The following CTH variants were observed in gnomAD, a reference collection of about 807,000 sequenced individuals.
CTH encodes the protein cystathionine gamma-lyase, also known as cystathionase (cystathionine gamma-lyase).
CTH carries 41 observed loss-of-function variants against 50.6 expected under a neutral mutation model. That is an observed-to-expected ratio of 0.81 (90% CI 0.63 to 1.05). The LOEUF is 1.05. CTH is among the 50% of genes least tolerant of loss of function. The pLI, the probability that CTH is intolerant of heterozygous loss-of-function variation, is 0.00. For missense variants in CTH, 470 were observed against 492.6 expected (o/e 0.95, Z 0.43); for synonymous variants, 156 against 168.9 (o/e 0.92, Z 0.59).
In CTH at chr1:70,439,421, C is replaced by T; in HGVS notation, c.*294C>T. 2.6e-6 allele frequency: 1 copy of T among 379,418 alleles called. No homozygotes were observed. Among genetic ancestry groups the T allele is most frequent in the Non-Finnish European group, 4.8e-6 (1 of 209,370 alleles). 23.5% of individuals were successfully genotyped at this position (379,418 alleles called of 1,614,324 possible). A position where few individuals can be genotyped will look rare whatever the true frequency, so the allele number is the denominator to read the frequency against. Reference sequence around the variant, plus strand: ...GGGAGATTATGTTCTTTTTTCATGTCTAAGATTTATTTTGATCATGTTTAT... The same window carrying T: ...GGGAGATTATGTTCTTTTTTCATGTTTAAGATTTATTTTGATCATGTTTAT... On this transcript the variant is annotated 3_prime_UTR_variant, in exon 12 of 12. Transcript: ENST00000370938.
intron 10 of CTH, among the ~76,000 whole-genome samples, chr1:70,436,260 C>T (rs183690685): frequency 2.1e-4 from 32 of 152,084 alleles, no homozygotes; most frequent in Non-Finnish European, 3.5e-4. Context: ...TGCAGTGAGC[C>T]GAGGTTGCAG....
chr1:70,422,783 T>G (rs1049377470), intron 4 of CTH, among the ~76,000 whole-genome samples: 1 of 152,080 alleles, frequency 6.6e-6, no homozygotes, highest in African/African-American at 2.4e-5. Context: ...AGCTAATTTT[T>G]GTATTTTTAG....
chr1:70,428,676 G>A (rs948707427), intron 5 of CTH, among the ~76,000 whole-genome samples: 2 of 151,510 alleles, frequency 1.3e-5, no homozygotes, highest in Admixed American at 1.3e-4. Context: ...GTGGTGTCAT[G>A]AAAAGCTCAC....
rs186777330 is a variant in CTH at position 70,427,878 on chromosome 1, A to G, written c.589-1916A>G. ...CAGGTTTCCACCACCACCCCCCGCT[A>G]ATTTTTGTATTTTTAGTAGAGATGG... On this transcript the variant is annotated intron_variant, in intron 5 of 11. Transcript: ENST00000370938. Among the ~76,000 whole-genome samples the G allele has an allele frequency of 4.2e-3, 642 of 151,776 alleles. 4 individuals carry two copies. The highest frequency in any genetic ancestry group is 0.014 in the African/African-American group (593 of 41,382).
chr1:70,424,660 G>A (rs1684307537), intron 5 of CTH, among the ~76,000 whole-genome samples: 1 of 152,138 alleles, frequency 6.6e-6, no homozygotes, highest in Non-Finnish European at 1.5e-5. Context: ...CCAGTTCTCA[G>A]GGCTGTGCGT....
intron 4 of CTH, among the ~76,000 whole-genome samples, chr1:70,422,197 G>A (rs746618363): frequency 1.3e-5 from 2 of 152,186 alleles, no homozygotes; most frequent in African/African-American, 2.4e-5. Context: ...TGGCTTTGCC[G>A]GGCTGTAAGG....
At chr1:70,414,118 T>TGA (rs1684035115) in intron 1 of CTH, among the ~76,000 whole-genome samples, 2 of 151,962 alleles carry the variant, frequency 1.3e-5, no homozygotes, top group South Asian at 4.2e-4. Context: ...AGAAGCCACG[T>TGA]GAATCCAAAC....
intron 3 of CTH, among the ~76,000 whole-genome samples, chr1:70,421,351 T>C (rs1684215634): frequency 6.6e-6 from 1 of 152,236 alleles, no homozygotes; most frequent in African/African-American, 2.4e-5. Context: ...ATCTCAAGTG[T>C]GTTTTATTTG....
chr1:70,418,152 G>A (rs1469150353), intron 3 of CTH, 120 bp downstream of exon 3: 17 of 1,252,024 alleles, frequency 1.4e-5, no homozygotes, highest in Non-Finnish European at 1.7e-5. Context: ...GTTTACAGGT[G>A]TGACAGGTAC....
intron 4 of CTH, among the ~76,000 whole-genome samples, chr1:70,423,097 AT>A (rs886658767): frequency 6.6e-6 from 1 of 151,782 alleles, no homozygotes; most frequent in African/African-American, 2.4e-5. Flanking sequence ...GGTAATTTTT[AT>A]TTTTTTTATT....
At position 70,433,922 on chromosome 1, in the gene CTH, T is replaced by C; in HGVS notation, c.972T>C (p.His324=). The change falls in exon 9 of 12, where the codon CAT becomes CAC. Residue 324 remains histidine (H), a synonymous_variant. Transcript: ENST00000370938. The part of the protein sequence containing the change: ...VTFYIKGTLQ[H]AEIFLKNLKL... Reference sequence around the variant, plus strand: ...TTTATATTAAGGGCACTCTTCAGCATGCTGAGATTTTCCTCAAGAACCTAA... The same window carrying C: ...TTTATATTAAGGGCACTCTTCAGCACGCTGAGATTTTCCTCAAGAACCTAA... The C allele has an allele frequency of 6.2e-7, 1 of 1,614,120 alleles. No homozygotes were observed. The highest frequency in any genetic ancestry group is 8.5e-7 in the Non-Finnish European group (1 of 1,179,976).
chr1:70,435,145 C>T lies in CTH; in HGVS notation c.1020C>T (p.Ser340=), dbSNP rs1160688041. 2 of 1,613,076 alleles carry T rather than the reference C, an allele frequency of 1.2e-6. No homozygotes were observed. The highest frequency in any genetic ancestry group is 3.3e-5 in the Admixed American group (2 of 59,984). The part of the protein sequence containing the change: ...KNLKLFTLAE[S]LGGFESLAEL... ...TATAGCTATTTACTCTGGCCGAGAG[C>T]TTGGGAGGATTCGAAAGCCTTGCTG... The change falls in exon 10 of 12, where the codon AGC becomes AGT. Residue 340 remains serine, a synonymous_variant. Coordinates refer to ENST00000370938, the MANE Select transcript of CTH (RefSeq NM_001902.6).
chr1:70,433,809 T>C lies in CTH; in HGVS notation c.878-19T>C, dbSNP rs984987910. 1.9e-6 allele frequency: 3 copies of C among 1,613,462 alleles called. No homozygotes were observed. Among genetic ancestry groups the C allele is most frequent in the East Asian group, 2.2e-5 (1 of 44,822 alleles). ...ATGTTTAATTCTAAAATAAGACTTA[T>C]GATACCTTATGATTACAGGGCTGCC... On this transcript the variant is annotated intron_variant, in intron 8 of 11. Transcript: ENST00000370938.
chr1:70,431,818 A>G (rs1168786400), intron 7 of CTH, among the ~76,000 whole-genome samples: 1 of 152,254 alleles, frequency 6.6e-6, no homozygotes, highest in Non-Finnish European at 1.5e-5. Flanking sequence ...AGGACTACTT[A>G]TCTTCATATT....
chr1:70,418,511 A>G (rs1684144413), intron 3 of CTH, among the ~76,000 whole-genome samples: 1 of 152,156 alleles, frequency 6.6e-6, no homozygotes, highest in Non-Finnish European at 1.5e-5. Flanking sequence ...CAGCCTCCCA[A>G]AGTTTTGGAA....
In CTH at chr1:70,433,965, A is replaced by C. The variant is rs1277791391; in HGVS notation, c.999+16A>C. The C allele has an allele frequency of 6.2e-7, 1 of 1,613,416 alleles. No homozygotes were observed. The highest frequency in any genetic ancestry group is 8.5e-7 in the Non-Finnish European group (1 of 1,179,628). ...GAACCTAAAGGTAAACTTACAAAATAGGTTTAAAATTGTAGGAGGTAAGGC... is the reference window on the plus strand; with the variant it reads ...GAACCTAAAGGTAAACTTACAAAATCGGTTTAAAATTGTAGGAGGTAAGGC... On this transcript the variant is annotated intron_variant, in intron 9 of 11. Coordinates refer to ENST00000370938, the MANE Select transcript of CTH (RefSeq NM_001902.6).
intron 11 of CTH, 80 bp downstream of exon 11, chr1:70,438,906 CAA>C: frequency 6.2e-7 from 1 of 1,601,952 alleles, no homozygotes; most frequent in South Asian, 1.1e-5. Context: ...ACTATATTTA[CAA>C]AGTGTGGTCT....
chr1:70,418,336 G>A (rs1166334200), intron 3 of CTH, among the ~76,000 whole-genome samples: 4 of 152,000 alleles, frequency 2.6e-5, no homozygotes, highest in Non-Finnish European at 4.4e-5. Context: ...TGCAGTCTCC[G>A]CCTCCTGGGT....
At chr1:70,420,507 C>T (rs1487300064) in intron 3 of CTH, among the ~76,000 whole-genome samples, 4 of 152,118 alleles carry the variant, frequency 2.6e-5, no homozygotes, top group Admixed American at 1.3e-4. Flanking sequence ...GAATCTGATG[C>T]TGCCGCTGAT....
Sources: allele counts gnomAD v4.1 joint callset (sites outside exome capture counted in the v4.1 genomes callset), GRCh38; gene constraint gnomAD v4.1.1; transcripts MANE v1.5; gene names NCBI Gene and HGNC (gene_info 2026-07-23, HGNC 2026-07-21).